FOXN3: variants seen among roughly 807,000 people sequenced by gnomAD.
FOXN3 encodes forkhead box protein N3.
In FOXN3, 7 loss-of-function variants were observed where a neutral mutation model predicts 38.4. The observed-to-expected ratio is 0.18, with a 90% CI of 0.10 to 0.34. The LOEUF (loss-of-function observed/expected upper bound fraction) is 0.34, where lower values mean the gene tolerates loss of function less well. Ranked by LOEUF, FOXN3 falls within the 10% of genes least tolerant of loss-of-function variation. FOXN3 has a pLI of 1.00. For missense variants in FOXN3, 456 were observed against 613.4 expected (o/e 0.74, Z 2.71); for synonymous variants, 230 against 242.2 (o/e 0.95, Z 0.47).
chr14:89,162,403 G>A lies in FOXN3; in HGVS notation c.*11C>T, dbSNP rs1314893468. 2 of 1,533,766 alleles carry A rather than the reference G, an allele frequency of 1.3e-6. No individual in the cohort carries two copies. Among genetic ancestry groups the A allele is most frequent in the South Asian group, 1.3e-5 (1 of 78,018 alleles). On this transcript the variant is annotated 3_prime_UTR_variant, in exon 6 of 6. Coordinates refer to ENST00000557258, the MANE Select transcript of FOXN3 (RefSeq NM_005197.4). The surrounding 1 kb of genome is among the most constrained non-coding windows in gnomAD (Gnocchi z 7.2). ...ATGGTCGTAAGTTCAAAACAAATCA[G>A]TGACTTGTTTTTAATTTTTTGTGGT...
At chr14:89,386,269 A>G (rs971303664) in intron 2 of FOXN3, among the ~76,000 whole-genome samples, 1 of 152,254 alleles carries the variant, frequency 6.6e-6, no homozygotes, top group African/African-American at 2.4e-5. Flanking sequence ...GTGCCACCAG[A>G]AATGAAATAT....
intron 3 of FOXN3, among the ~76,000 whole-genome samples, chr14:89,343,395 C>T (rs1888668589): frequency 6.6e-6 from 1 of 151,588 alleles, no homozygotes; most frequent in African/African-American, 2.4e-5. Context: ...ACCTGGTGAA[C>T]AATGACTGAT....
At chr14:89,565,235 G>A (rs151304009) in intron 1 of FOXN3, among the ~76,000 whole-genome samples, 226 of 152,030 alleles carry the variant, frequency 1.5e-3, no homozygotes, top group Admixed American at 4.1e-3. Context: ...AACACCAGAA[G>A]CCAAGAGAAG....
At chr14:89,532,002 T>C (rs570159302) in intron 1 of FOXN3, among the ~76,000 whole-genome samples, 42 of 152,302 alleles carry the variant, frequency 2.8e-4, no homozygotes, top group African/African-American at 9.6e-4. Flanking sequence ...TAAAGTATCA[T>C]ACCTGGACTG....
intron 2 of FOXN3, among the ~76,000 whole-genome samples, chr14:89,360,264 G>A (rs372813131): frequency 1.3e-5 from 2 of 150,632 alleles, no homozygotes; most frequent in African/African-American, 4.8e-5. Flanking sequence ...AAGGAGAGAG[G>A]GAAAGAGGGA....
At chr14:89,438,497 A>G (rs887007541) in intron 1 of FOXN3, among the ~76,000 whole-genome samples, 1 of 152,240 alleles carries the variant, frequency 6.6e-6, no homozygotes, top group African/African-American at 2.4e-5. Flanking sequence ...TGGAGGAATA[A>G]GAAAATTGAA....
At chr14:89,226,358 T>A (rs1226100795) in intron 4 of FOXN3, among the ~76,000 whole-genome samples, 1 of 152,114 alleles carries the variant, frequency 6.6e-6, no homozygotes, top group African/African-American at 2.4e-5. Flanking sequence ...CTCTAGTAGC[T>A]GGGACTACAG....
intron 1 of FOXN3, among the ~76,000 whole-genome samples, chr14:89,559,192 G>GC (rs35548555): frequency 2.6e-5 from 4 of 151,496 alleles, no homozygotes; most frequent in Admixed American, 6.6e-5. Flanking sequence ...TAGTGAGACC[G>GC]CCCCCCGCCC....
chr14:89,363,721 CAGA>C (rs2140044784), intron 2 of FOXN3, among the ~76,000 whole-genome samples: 1 of 152,174 alleles, frequency 6.6e-6, no homozygotes, highest in African/African-American at 2.4e-5. Flanking sequence ...GTGGTACTAG[CAGA>C]AGAACAAACA....
chr14:89,184,299 G>A lies in FOXN3; in HGVS notation c.746-3493C>T, dbSNP rs1207234402. ...TTGGACAAAGATGAGGGAAGCCCTG[G>A]AACAGGAGCAGAGCAAATCCAAGTT... On this transcript the variant is annotated intron_variant, in intron 4 of 5. Coordinates refer to ENST00000557258, the MANE Select transcript of FOXN3 (RefSeq NM_005197.4). 2.0e-5 allele frequency: 3 copies of A among 152,252 alleles called. No individual in the cohort carries two copies. The East Asian group carries it at 5.8e-4, about 29-fold the overall frequency. 9.4% of individuals were successfully genotyped at this position (152,252 alleles called of 1,614,324 possible). A position where few individuals can be genotyped will look rare whatever the true frequency, so the allele number is the denominator to read the frequency against.
intron 4 of FOXN3, among the ~76,000 whole-genome samples, chr14:89,278,297 AC>A (rs1330951976): frequency 6.6e-6 from 1 of 152,160 alleles, no homozygotes; most frequent in Non-Finnish European, 1.5e-5. Context: ...CTTATGCACC[AC>A]CACGAGAACA....
intron 2 of FOXN3, among the ~76,000 whole-genome samples, chr14:89,389,252 C>T (rs540426875): frequency 2.0e-5 from 3 of 152,072 alleles, no homozygotes; most frequent in Admixed American, 6.5e-5. Flanking sequence ...TTACATGTTA[C>T]AATGTGCATC....
At chr14:89,418,597 C>T (rs1168099642), upstream of FOXN3, among the ~76,000 whole-genome samples, 1 of 152,082 alleles carries the variant, frequency 6.6e-6, no homozygotes, top group African/African-American at 2.4e-5. Flanking sequence ...GGTCATCCAG[C>T]CCCACCCCTT....
chr14:89,416,218 C>G (rs571808443), intron 1 of FOXN3, among the ~76,000 whole-genome samples: 1 of 152,172 alleles, frequency 6.6e-6, no homozygotes, highest in Non-Finnish European at 1.5e-5. Flanking sequence ...TTGGCTGCAC[C>G]CCGCGTCAAT....
At chr14:89,431,223 GTC>G (rs755450811) in intron 1 of FOXN3, among the ~76,000 whole-genome samples, 7 of 151,774 alleles carry the variant, frequency 4.6e-5, no homozygotes, top group African/African-American at 1.5e-4. Flanking sequence ...TTGAGACAGA[GTC>G]TCTCTCTCTC....
At chr14:89,592,191 TAAGAA>T (rs1895969883) in intron 1 of FOXN3, among the ~76,000 whole-genome samples, 1 of 151,994 alleles carries the variant, frequency 6.6e-6, no homozygotes, top group Non-Finnish European at 1.5e-5. Flanking sequence ...AAAAGATGAT[TAAGAA>T]AAGAAAAATA....
intron 2 of FOXN3, among the ~76,000 whole-genome samples, chr14:89,397,552 C>A (rs538776595): frequency 6.6e-6 from 1 of 152,070 alleles, no homozygotes; most frequent in African/African-American, 2.4e-5. Flanking sequence ...TGGCTAGGCT[C>A]AGAAACGTCT....
At chr14:89,234,631 C>G (rs1183768070) in intron 4 of FOXN3, among the ~76,000 whole-genome samples, 2 of 151,964 alleles carry the variant, frequency 1.3e-5, no homozygotes, top group Admixed American at 1.3e-4. Context: ...CTCTCTCTCT[C>G]TCTCTCTCTG....
chr14:89,439,344 A>T (rs1348308698), intron 1 of FOXN3, among the ~76,000 whole-genome samples: 1 of 152,184 alleles, frequency 6.6e-6, no homozygotes, highest in East Asian at 1.9e-4. Flanking sequence ...ATGAAATGAG[A>T]GGTCAGCACA....
Sources: allele counts gnomAD v4.1 joint callset (sites outside exome capture counted in the v4.1 genomes callset), GRCh38; gene constraint gnomAD v4.1.1; non-coding constraint Gnocchi (gnomAD v3.1); transcripts MANE v1.5; gene names NCBI Gene and HGNC (gene_info 2026-07-23, HGNC 2026-07-21).